Variants in ZNG1A observed in about 807,000 individuals in gnomAD.
ZNG1A encodes Zn regulated GTPase metalloprotein activator 1A.
chr9:161,565 A>G, the ZNG1A span: 10 of 1,286,292 alleles, frequency 7.8e-6, no homozygotes, highest in Non-Finnish European at 1.0e-5. Context: ...CCAAGAACTT[A>G]CTGCTTTGGG....
chr9:147,960 G>A, the ZNG1A span: 1 of 151,552 alleles, frequency 6.6e-6, no homozygotes, highest in African/African-American at 2.4e-5. Context: ...AGGAGGCAGA[G>A]GTTTCAGTGA....
At chr9:160,682 A>G in the ZNG1A span, among the ~76,000 whole-genome samples, 1 of 151,100 alleles carries the variant, frequency 6.6e-6, no homozygotes, top group Non-Finnish European at 1.5e-5. Flanking sequence ...TTATTCCTAT[A>G]ATCATAAAAT....
chr9:139,984 A>G, the ZNG1A span, among the ~76,000 whole-genome samples: 1 of 150,550 alleles, frequency 6.6e-6, no homozygotes, highest in Admixed American at 6.6e-5. Flanking sequence ...CCACGAGATT[A>G]TATCCCGCAC....
At chr9:162,413 T>C in the ZNG1A span, 3 of 1,487,354 alleles carry the variant, frequency 2.0e-6, no homozygotes, top group East Asian at 4.7e-5. Context: ...GACCCACTCA[T>C]AGCAATCTTT....
chr9:141,223 C>T, the ZNG1A span, among the ~76,000 whole-genome samples: 9 of 131,036 alleles, frequency 6.9e-5, no homozygotes, highest in African/African-American at 2.7e-4. Flanking sequence ...AAGAGCAACT[C>T]CAAGACACAT....
chr9:178,237 T>C, the ZNG1A span, among the ~76,000 whole-genome samples: 2 of 150,746 alleles, frequency 1.3e-5, no homozygotes, highest in African/African-American at 2.4e-5. Flanking sequence ...GTTTGAGAAA[T>C]AGTCTTGGAG....
the ZNG1A span, among the ~76,000 whole-genome samples, chr9:129,240 C>A: frequency 6.6e-6 from 1 of 151,932 alleles, no homozygotes; most frequent in Admixed American, 6.6e-5. Context: ...CTCTAGAATG[C>A]CCAAAAACAT....
chr9:174,123 G>C, the ZNG1A span, among the ~76,000 whole-genome samples: 12 of 149,958 alleles, frequency 8.0e-5, no homozygotes, highest in African/African-American at 3.0e-4. Context: ...CTCCAGCCTG[G>C]GCAACACAGC....
the ZNG1A span, chr9:175,585 C>G: frequency 1.6e-5 from 17 of 1,069,672 alleles, no homozygotes; most frequent in Non-Finnish European, 2.3e-5. Context: ...TAAAGCTATC[C>G]ACATCAATAC....
At chr9:149,040 G>A in the ZNG1A span, 1 of 149,334 alleles carries the variant, frequency 6.7e-6, no homozygotes, top group African/African-American at 2.5e-5. Flanking sequence ...CTTGAACTCT[G>A]GAAATAAATT....
the ZNG1A span, among the ~76,000 whole-genome samples, chr9:169,272 G>T: frequency 6.7e-6 from 1 of 149,716 alleles, no homozygotes; most frequent in South Asian, 2.1e-4. Flanking sequence ...TGCCGATGTG[G>T]TGGAAACAGT....
the ZNG1A span, chr9:163,966 T>C: frequency 1.9e-6 from 3 of 1,589,982 alleles, no homozygotes; most frequent in South Asian, 3.5e-5. Context: ...AGAAAACTGT[T>C]TTTTAACTTA....
the ZNG1A span, among the ~76,000 whole-genome samples, chr9:124,930 A>G: frequency 5.3e-5 from 8 of 152,152 alleles, no homozygotes; most frequent in Non-Finnish European, 2.9e-5. Context: ...ATGCATATAT[A>G]TCACAGTTAC....
At chr9:170,581 T>A in the ZNG1A span, among the ~76,000 whole-genome samples, 1 of 149,876 alleles carries the variant, frequency 6.7e-6, no homozygotes, top group South Asian at 2.1e-4. Context: ...AGACTGGATT[T>A]CACCATGTTG....
chr9:123,918 CA>C, the ZNG1A span, among the ~76,000 whole-genome samples: 24 of 151,424 alleles, frequency 1.6e-4, no homozygotes, highest in Non-Finnish European at 2.2e-4. Context: ...AAATAAGGGT[CA>C]AAAAAATAAG....
the ZNG1A span, chr9:179,004 C>T: frequency 2.9e-6 from 3 of 1,028,734 alleles, 1 homozygote; most frequent in Admixed American, 2.2e-5. Flanking sequence ...TCAGCTGAAC[C>T]GCTGGGACCA....
chr9:129,811 T>G, the ZNG1A span, among the ~76,000 whole-genome samples: 1,991 of 115,406 alleles, frequency 0.017, 142 homozygotes, highest in African/African-American at 0.051. Flanking sequence ...GTAGGTCTCA[T>G]GTTAAGTGTT....
At chr9:129,642 G>A in the ZNG1A span, among the ~76,000 whole-genome samples, 1 of 149,588 alleles carries the variant, frequency 6.7e-6, no homozygotes, top group East Asian at 2.0e-4. Context: ...AAAGTAAAAC[G>A]GTGGTTACCA....
the ZNG1A span, among the ~76,000 whole-genome samples, chr9:154,989 G>A: frequency 6.6e-6 from 1 of 152,240 alleles, no homozygotes; most frequent in Non-Finnish European, 1.5e-5. Context: ...ATTTTTCAAT[G>A]TGGATGAATT....
Sources: allele counts gnomAD v4.1 joint callset (sites outside exome capture counted in the v4.1 genomes callset), GRCh38; gene constraint gnomAD v4.1.1; transcripts MANE v1.5; gene names NCBI Gene and HGNC (gene_info 2026-07-23, HGNC 2026-07-21).